The following ASIC4 variants were observed in gnomAD, a reference collection of about 807,000 sequenced individuals.
ASIC4 encodes acid sensing ion channel subunit family member 4.
ASIC4 carries 28 observed loss-of-function variants against 53.4 expected under a neutral mutation model. The observed-to-expected ratio is 0.52, with a 90% CI of 0.39 to 0.72. The LOEUF is 0.72. ASIC4 is among the 30% of genes least tolerant of loss of function. The pLI is 0.00. For synonymous variants in ASIC4, 289 were observed against 301.4 expected (o/e 0.96, Z 0.43); for missense variants, 649 against 729.7 (o/e 0.89, Z 1.27).
upstream of ASIC4, among the ~76,000 whole-genome samples, chr2:219,513,378 C>G (rs982570121): frequency 4.6e-5 from 7 of 152,076 alleles, no homozygotes; most frequent in Non-Finnish European, 7.4e-5. Flanking sequence ...AACTGAGGCT[C>G]CCACCCCCAC....
chr2:219,521,248 C>A (rs762041304), intron 1 of ASIC4, among the ~76,000 whole-genome samples: 8 of 152,246 alleles, frequency 5.3e-5, no homozygotes, highest in Admixed American at 5.2e-4. Context: ...CCCAGCCCCA[C>A]TCAGCAGCCC....
At position 219,536,921 on chromosome 2, in the gene ASIC4, C is replaced by A; in HGVS notation, c.1230-145C>A. On this transcript the variant is annotated intron_variant, in intron 6 of 9. Coordinates refer to ENST00000358078, the MANE Select transcript of ASIC4 (RefSeq NM_018674.6). This position sits in a 1 kb window ranked among gnomAD's most constrained non-coding sequence, Gnocchi z 4.6. ...CTAACACACATCCGGGACTGCCTCC[C>A]CTCACAGCCTTGGGGAGTCCGGGGG... 2 of 671,462 alleles carry A rather than the reference C, an allele frequency of 3.0e-6. No individual in the cohort carries two copies. Among genetic ancestry groups the A allele is most frequent in the Non-Finnish European group, 5.1e-6 (2 of 390,910 alleles). The allele number at this position is 671,462 out of a possible 1,614,324, so 41.6% of individuals were successfully genotyped here. A position where few individuals can be genotyped will look rare whatever the true frequency, so the allele number is the denominator to read the frequency against.
chr2:219,508,555 G>T, the ASIC4 span, among the ~76,000 whole-genome samples: 2 of 151,874 alleles, frequency 1.3e-5, no homozygotes, highest in Non-Finnish European at 2.9e-5. Flanking sequence ...CCATTGTTGG[G>T]GGGGGTCTAA....
rs1302100614 is a variant in ASIC4 at position 219,522,856 on chromosome 2, C to T, written c.582+7550C>T. Among the ~76,000 whole-genome samples the T allele has an allele frequency of 2.6e-5, 4 of 152,092 alleles. No homozygotes were observed. In the South Asian group the frequency reaches 8.3e-4, roughly 32 times the overall value. ...GCCGGGGGAATGCAAATGAGGCAGA[C>T]CCAGGGAGGAGAGCGGAGGAGCCCG... On this transcript the variant is annotated intron_variant, in intron 1 of 9. Transcript: ENST00000358078.
At chr2:219,522,641 G>GC (rs905167984) in intron 1 of ASIC4, among the ~76,000 whole-genome samples, 3 of 152,088 alleles carry the variant, frequency 2.0e-5, no homozygotes, top group Non-Finnish European at 2.9e-5. Flanking sequence ...GTCCCTCAGT[G>GC]CCCCCGGCCC....
intron 1 of ASIC4, 50 bp from the exon 2 acceptor site, chr2:219,531,708 C>A (rs780254882): frequency 4.6e-6 from 7 of 1,534,800 alleles, no homozygotes; most frequent in Non-Finnish European, 6.1e-6. Flanking sequence ...TCGGAGTTGC[C>A]TTGGCCACTC....
chr2:219,532,994 C>T (rs768113039), intron 5 of ASIC4, 55 bp downstream of exon 5: 1 of 1,532,710 alleles, frequency 6.5e-7, no homozygotes, highest in Non-Finnish European at 9.0e-7. Context: ...TGTCTCTGTC[C>T]ACTCTTCTCC....
chr2:219,515,396 T>G, intron 1 of ASIC4, 90 bp downstream of exon 1: 2 of 1,455,334 alleles, frequency 1.4e-6, no homozygotes, highest in South Asian at 1.3e-5. Flanking sequence ...AGGGGCATCC[T>G]CAACAGGGCT....
upstream of ASIC4, among the ~76,000 whole-genome samples, chr2:219,513,930 CT>C (rs1366479620): frequency 2.6e-5 from 4 of 152,208 alleles, no homozygotes; most frequent in Non-Finnish European, 5.9e-5. Flanking sequence ...CTCTGCCCCC[CT>C]CCCTCCGTCA....
At chr2:219,526,347 TG>T (rs938732827) in intron 1 of ASIC4, among the ~76,000 whole-genome samples, 4 of 151,588 alleles carry the variant, frequency 2.6e-5, no homozygotes, top group African/African-American at 7.3e-5. Flanking sequence ...TGGGTCAGGG[TG>T]GGGAGCCTCA....
chr2:219,534,796 T>TG (rs1695100534), intron 5 of ASIC4, among the ~76,000 whole-genome samples: 2 of 151,432 alleles, frequency 1.3e-5, no homozygotes, highest in Admixed American at 1.3e-4. Flanking sequence ...CATCCATCCA[T>TG]CCATCCATCC....
At chr2:219,520,859 C>T (rs1407384390) in intron 1 of ASIC4, among the ~76,000 whole-genome samples, 2 of 152,228 alleles carry the variant, frequency 1.3e-5, no homozygotes, top group African/African-American at 4.8e-5. Context: ...ACCACTTAGT[C>T]TTGAAGGACG....
Position 219,536,942 on chromosome 2 carries a change from G to A in ASIC4, c.1230-124G>A, listed in dbSNP as rs1322486734. ...CTCCCCTCACAGCCTTGGGGAGTCC[G>A]GGGGGTAGTCACTGACTTCCCCATG... On this transcript the variant is annotated intron_variant, in intron 6 of 9. Transcript: ENST00000358078. This position sits in a 1 kb window ranked among gnomAD's most constrained non-coding sequence, Gnocchi z 4.6. 9 of 786,490 alleles carry A rather than the reference G, an allele frequency of 1.1e-5. No homozygotes were observed. Among genetic ancestry groups the A allele is most frequent in the East Asian group, 2.6e-5 (1 of 38,914 alleles). The allele number at this position is 786,490 out of a possible 1,614,324, so 48.7% of individuals were successfully genotyped here. A position where few individuals can be genotyped will look rare whatever the true frequency, so the allele number is the denominator to read the frequency against.
In ASIC4 at chr2:219,537,467, G is replaced by A; in HGVS notation, c.1401+146G>A. 8.9e-7 allele frequency: 1 copy of A among 1,118,140 alleles called. No homozygotes were observed. The highest frequency in any genetic ancestry group is 1.3e-6 in the Non-Finnish European group (1 of 773,254). 69.3% of individuals were successfully genotyped at this position (1,118,140 alleles called of 1,614,324 possible). A position where few individuals can be genotyped will look rare whatever the true frequency, so the allele number is the denominator to read the frequency against. On this transcript the variant is annotated intron_variant, in intron 8 of 9. Coordinates refer to ENST00000358078, the MANE Select transcript of ASIC4 (RefSeq NM_018674.6). This position sits in a 1 kb window ranked among gnomAD's most constrained non-coding sequence, Gnocchi z 4.9. ...GGTCCCCTGACTGGCTGGCAGGCCT[G>A]AGGGCTCAGAGTCAGGAGAAGGGGA...
chr2:219,535,268 C>G lies in ASIC4; in HGVS notation c.1173C>G (p.Asn391Lys). Residue 391 changes from asparagine to lysine, a missense_variant, in exon 6 of 10, where the codon AAC (asparagine) becomes AAG (lysine). Asn to Lys is a moderately conservative substitution (Grantham distance 94). Coordinates refer to ENST00000358078, the MANE Select transcript of ASIC4 (RefSeq NM_018674.6). ...AGATCTCCATGGTCAGGATCCCCAA[C>G]AGGGGCTCAGCCCGGTACCTGGCGA... ...GKEISMVRIP[N>K]RGSARYLARK... 1 of 1,613,952 alleles carries G rather than the reference C, an allele frequency of 6.2e-7. No individual in the cohort carries two copies. The highest frequency in any genetic ancestry group is 8.5e-7 in the Non-Finnish European group (1 of 1,179,962).
intron 1 of ASIC4, 114 bp from the exon 2 acceptor site, chr2:219,531,644 C>A: frequency 1.7e-6 from 2 of 1,206,210 alleles, no homozygotes; most frequent in Non-Finnish European, 2.3e-6. Flanking sequence ...TGCTAGGATA[C>A]GGGACTGGAG....
rs757571805 is a variant in ASIC4 at position 219,532,020 on chromosome 2, A to T, written c.747A>T (p.Ala249=). 1.9e-6 allele frequency: 3 copies of T among 1,614,202 alleles called. No individual in the cohort carries two copies. Among genetic ancestry groups the T allele is most frequent in the Non-Finnish European group, 2.5e-6 (3 of 1,180,026 alleles). ...GTGCAGATGAGACGTCGTTTGAGGC[A>T]GGTATTCGGGTGCAGATCCACAGCC... is the stretch of plus-strand genomic sequence containing the variant. ...WRETNETSFE[A]GIRVQIHSQE... The change falls in exon 3 of 10, where the codon GCA becomes GCT. Residue 249 remains alanine, a synonymous_variant. Transcript: ENST00000358078.
At chr2:219,507,211 CCCCTGCCT>C in the ASIC4 span, among the ~76,000 whole-genome samples, 2 of 152,212 alleles carry the variant, frequency 1.3e-5, no homozygotes. Flanking sequence ...CCCCCCTTCA[CCCCTGCCT>C]CCCTGCCTCC....
At chr2:219,532,506 C>T (rs371074065) in intron 4 of ASIC4, 29 bp downstream of exon 4, 1 of 1,598,438 alleles carries the variant, frequency 6.3e-7, no homozygotes, top group Non-Finnish European at 8.5e-7. Flanking sequence ...GCCAGCCCTC[C>T]ATGCCACCCT....
Sources: gnomAD v4.1 joint callset for allele counts (sites outside exome capture counted in the v4.1 genomes callset) on GRCh38, gnomAD v4.1.1 for gene constraint, Gnocchi (gnomAD v3.1) non-coding constraint, MANE v1.5 for transcripts, NCBI Gene and HGNC (gene_info 2026-07-23, HGNC 2026-07-21) for gene names.